The following PTPA variants were observed in gnomAD, a reference collection of about 807,000 sequenced individuals.
The protein encoded by PTPA is serine/threonine-protein phosphatase 2A activator.
A neutral mutation model predicts 43.6 loss-of-function variants in PTPA; 13 were observed. The ratio of observed to expected loss-of-function variants is 0.30; its 90% CI spans 0.19 to 0.47. PTPA has a LOEUF of 0.47. PTPA is among the 20% of genes least tolerant of loss of function. The pLI is 0.99. For synonymous variants in PTPA, 172 were observed against 158.2 expected, an observed-to-expected ratio of 1.09 and a Z score of -0.66; for missense variants, 329 against 411.9, an observed-to-expected ratio of 0.80 and a Z score of 1.74.
intron 8 of PTPA, chr9:129,140,203 G>T (rs1470699317): frequency 6.6e-6 from 1 of 152,608 alleles, no homozygotes; most frequent in East Asian, 1.9e-4. Flanking sequence ...GATTCCCCTG[G>T]GGTCACTGCG....
At chr9:129,112,768 TC>T (rs1482611691) in intron 1 of PTPA, among the ~76,000 whole-genome samples, 2 of 152,020 alleles carry the variant, frequency 1.3e-5, no homozygotes, top group South Asian at 2.1e-4. Flanking sequence ...ATGGAGAAAC[TC>T]CGTCTCTTCT....
chr9:129,139,358 T>G (rs934576480), intron 8 of PTPA: 8 of 152,200 alleles, frequency 5.3e-5, no homozygotes, highest in African/African-American at 1.9e-4. Flanking sequence ...GGAGAGGGTT[T>G]GGTGACATTT....
chr9:129,126,154 G>GA (rs1012996625), intron 3 of PTPA, among the ~76,000 whole-genome samples: 207 of 147,312 alleles, frequency 1.4e-3, no homozygotes, highest in African/African-American at 4.5e-3. Context: ...GTCTCAAAAA[G>GA]AAAAAAAAAA....
intron 1 of PTPA, 21 bp downstream of exon 1, chr9:129,111,652 C>G: frequency 7.8e-7 from 1 of 1,277,838 alleles, no homozygotes; most frequent in East Asian, 3.1e-5. Flanking sequence ...CGGGGCCAGG[C>G]CGGGCCGGGG....
At chr9:129,135,467 G>T (rs1850303406) in intron 6 of PTPA, among the ~76,000 whole-genome samples, 1 of 152,124 alleles carries the variant, frequency 6.6e-6, no homozygotes, top group African/African-American at 2.4e-5. Context: ...AGAATTCTAA[G>T]CACTTTATGT....
At chr9:129,120,339 G>A (rs1588491218) in intron 1 of PTPA, among the ~76,000 whole-genome samples, 174 bp from the exon 2 acceptor site, 1 of 151,268 alleles carries the variant, frequency 6.6e-6, no homozygotes, top group Non-Finnish European at 1.5e-5. Flanking sequence ...CAGGAGAATC[G>A]CTTGAACCCT....
At chr9:129,123,791 C>A (rs1849407304) in intron 3 of PTPA, among the ~76,000 whole-genome samples, 1 of 151,966 alleles carries the variant, frequency 6.6e-6, no homozygotes. Context: ...TCAAGCGATT[C>A]TCCTGCCTCA....
chr9:129,127,128 G>A (rs1033840721), intron 3 of PTPA, among the ~76,000 whole-genome samples: 16 of 152,158 alleles, frequency 1.1e-4, no homozygotes, highest in African/African-American at 3.9e-4. Context: ...TGCCATCCTA[G>A]CCCTCTGCCT....
chr9:129,129,533 A>G (rs1286706087), intron 4 of PTPA, among the ~76,000 whole-genome samples: 2 of 150,748 alleles, frequency 1.3e-5, no homozygotes, highest in Non-Finnish European at 2.9e-5. Flanking sequence ...GCAGTGGCGC[A>G]GTCTTGGCTC....
chr9:129,128,058 C>T, intron 3 of PTPA: 1 of 1,334,758 alleles, frequency 7.5e-7, no homozygotes, highest in Non-Finnish European at 9.9e-7. Flanking sequence ...GGGCACTGTG[C>T]ACCTTCGGAG....
intron 9 of PTPA, among the ~76,000 whole-genome samples, chr9:129,143,813 T>G (rs1444433146): frequency 6.6e-6 from 1 of 151,968 alleles, no homozygotes; most frequent in African/African-American, 2.4e-5. Flanking sequence ...CCACTCCGAC[T>G]CTGCCCTGGG....
At chr9:129,141,201 GAAGT>G (rs1056356154) in intron 8 of PTPA, among the ~76,000 whole-genome samples, 1 of 152,116 alleles carries the variant, frequency 6.6e-6, no homozygotes, top group Non-Finnish European at 1.5e-5. Flanking sequence ...CCTTACTAGA[GAAGT>G]AAGAGGCCTG....
intron 4 of PTPA, among the ~76,000 whole-genome samples, chr9:129,130,504 C>T (rs994770945): frequency 2.0e-5 from 3 of 151,872 alleles, no homozygotes; most frequent in Non-Finnish European, 4.4e-5. Flanking sequence ...AGCAATCGTC[C>T]TGCCTCAGCC....
chr9:129,137,893 C>T lies in PTPA; in HGVS notation c.786+201C>T, dbSNP rs555081948. ...TGACTGTCAGGTCCTCCGCCCAGTT[C>T]TCCTTCAGTTTCTCCTGAACACCAC... On this transcript the variant is annotated intron_variant, in intron 8 of 9. Coordinates refer to ENST00000393370, the MANE Select transcript of PTPA (RefSeq NM_178000.3). The T allele has an allele frequency of 5.2e-5, 32 of 612,022 alleles. No homozygotes were observed. In the South Asian group the frequency reaches 5.3e-4, roughly 10 times the overall value. The allele number at this position is 612,022 out of a possible 1,614,324, so 37.9% of individuals were successfully genotyped here. A position where few individuals can be genotyped will look rare whatever the true frequency, so the allele number is the denominator to read the frequency against.
Position 129,137,596 on chromosome 9 carries a change from C to T in PTPA, c.690C>T (p.His230=). 6.2e-7 allele frequency: 1 copy of T among 1,610,862 alleles called. No individual in the cohort carries two copies. The highest frequency in any genetic ancestry group is 1.1e-5 in the South Asian group (1 of 90,240). ...GGGGCCCATTCCTTTTCCCAGACCA[C>T]CCATACCTGGAGCCCAGACACTTTG... ...FIWGSSQLID[H]PYLEPRHFVD... Residue 230 remains histidine, a synonymous_variant, in exon 8 of 10, where the codon CAC becomes CAT. Transcript: ENST00000393370.
intron 1 of PTPA, among the ~76,000 whole-genome samples, chr9:129,113,303 G>A (rs1848663684): frequency 1.3e-5 from 2 of 151,708 alleles, no homozygotes; most frequent in Admixed American, 1.3e-4. Context: ...TATTGGCCAG[G>A]CTGGTCTCGA....
rs1049990647 is a variant in PTPA, at chr9:129,129,251, A to C, written c.342+141A>C. ...GTTAAAATGTCAATTTCACTTAGCA[A>C]AATTACAAATGAGTTTATACTCTGC... On this transcript the variant is annotated intron_variant, in intron 4 of 9. Transcript: ENST00000393370. 30 of 1,232,328 alleles carry C rather than the reference A, an allele frequency of 2.4e-5. No homozygotes were observed. In the South Asian group the frequency reaches 3.9e-4, roughly 16 times the overall value. 76.3% of individuals were successfully genotyped at this position (1,232,328 alleles called of 1,614,324 possible).
chr9:129,117,889 G>T lies in PTPA; in HGVS notation c.32-2624G>T, dbSNP rs377122393. 1.1e-3 allele frequency among the ~76,000 whole-genome samples: 174 copies of T among 151,626 alleles called. 1 individual carries two copies. The highest frequency in any genetic ancestry group is 6.8e-3 in the Middle Eastern group (2 of 294). On this transcript the variant is annotated intron_variant, in intron 1 of 9. Transcript: ENST00000393370. ...TTTTTGTATTTTTTAGTAGAGATGG[G>T]GTTTCAATATGTTTCCCAGGCCTGG...
intron 1 of PTPA, among the ~76,000 whole-genome samples, chr9:129,116,596 A>G (rs1036139333): frequency 1.3e-5 from 2 of 152,122 alleles, no homozygotes; most frequent in African/African-American, 2.4e-5. Flanking sequence ...CGTGTTAGCC[A>G]GGATGGTCTC....
Sources: allele counts gnomAD v4.1 joint callset (sites outside exome capture counted in the v4.1 genomes callset), GRCh38; gene constraint gnomAD v4.1.1; transcripts MANE v1.5; gene names NCBI Gene and HGNC (gene_info 2026-07-23, HGNC 2026-07-21).